RAPGEF2: variants seen among roughly 807,000 people sequenced by gnomAD.
RAPGEF2 encodes Rap guanine nucleotide exchange factor 2.
A neutral mutation model predicts 186.7 loss-of-function variants in RAPGEF2; 54 were observed. The observed-to-expected ratio is 0.29, with a 90% CI of 0.23 to 0.36. The LOEUF (loss-of-function observed/expected upper bound fraction) is 0.36. RAPGEF2 is among the 10% of genes least tolerant of loss of function. The pLI, the probability that RAPGEF2 is intolerant of heterozygous loss-of-function variation, is 1.00. For missense variants in RAPGEF2, 1,532 were observed against 2,045.0 expected, an observed-to-expected ratio of 0.75 and a Z score of 4.84; for synonymous variants, 712 against 705.9, an observed-to-expected ratio of 1.01 and a Z score of -0.14.
intron 11 of RAPGEF2, chr4:159,327,914 A>G (rs1766160629): frequency 6.6e-6 from 1 of 152,012 alleles, no homozygotes; most frequent in South Asian, 2.1e-4. Context: ...ATAAATGCCA[A>G]AATGTCTGTC....
At chr4:159,104,527 G>GAGAGA (rs1560964822) in intron 1 of RAPGEF2, among the ~76,000 whole-genome samples, 2,637 of 88,348 alleles carry the variant, frequency 0.03, 183 homozygotes, top group African/African-American at 0.069. Flanking sequence ...AGAGAGAGAG[G>GAGAGA]GAGAGACAGA....
chr4:159,291,786 G>GT (rs57094153), intron 7 of RAPGEF2, among the ~76,000 whole-genome samples: 13,965 of 145,722 alleles, frequency 0.096, 2,100 homozygotes, highest in African/African-American at 0.32. Flanking sequence ...TAGTGCTGTT[G>GT]TTTTTTTTTT....
intron 2 of RAPGEF2, among the ~76,000 whole-genome samples, chr4:159,188,619 G>A (rs1232982184): frequency 2.1e-5 from 3 of 142,274 alleles, no homozygotes; most frequent in African/African-American, 2.6e-5. Context: ...AGCAGAAATC[G>A]CACCACCGCA....
At chr4:159,173,014 A>AT (rs1746075538) in intron 1 of RAPGEF2, among the ~76,000 whole-genome samples, 1 of 152,122 alleles carries the variant, frequency 6.6e-6, no homozygotes, top group Non-Finnish European at 1.5e-5. Flanking sequence ...TTTCTTTAGC[A>AT]TTTTAGCTCA....
At chr4:159,248,530 A>G (rs1177727972) in intron 7 of RAPGEF2, among the ~76,000 whole-genome samples, 1 of 152,134 alleles carries the variant, frequency 6.6e-6, no homozygotes, top group Non-Finnish European at 1.5e-5. Context: ...CCCTGTGGAA[A>G]AGTCTCTGAA....
chr4:159,170,081 C>CTTT (rs36018963), intron 1 of RAPGEF2, among the ~76,000 whole-genome samples: 2 of 146,116 alleles, frequency 1.4e-5, no homozygotes, highest in Non-Finnish European at 1.5e-5. Context: ...ATGCTCATCT[C>CTTT]TTTTTTTTTT....
intron 7 of RAPGEF2, among the ~76,000 whole-genome samples, chr4:159,286,473 T>C (rs574785859): frequency 6.6e-6 from 1 of 152,306 alleles, no homozygotes; most frequent in Admixed American, 6.5e-5. Context: ...TAAATCAGAC[T>C]TATAAAATGT....
chr4:159,176,461 A>T (rs1204678926), intron 1 of RAPGEF2, among the ~76,000 whole-genome samples: 2 of 152,308 alleles, frequency 1.3e-5, no homozygotes, highest in Middle Eastern at 3.4e-3. Context: ...AGGACAAGGT[A>T]CTGTGGGGCA....
At chr4:159,223,945 C>T (rs1751778223) in intron 4 of RAPGEF2, among the ~76,000 whole-genome samples, 1 of 152,060 alleles carries the variant, frequency 6.6e-6, no homozygotes, top group Admixed American at 6.6e-5. Flanking sequence ...GCCACCCAGC[C>T]TGGAGTGCAG....
intron 7 of RAPGEF2, among the ~76,000 whole-genome samples, chr4:159,278,144 G>A (rs1759179829): frequency 6.6e-6 from 1 of 152,202 alleles, no homozygotes; most frequent in Non-Finnish European, 1.5e-5. Context: ...AAGGGATCCA[G>A]TTTCAGTTTT....
At chr4:159,281,237 G>C (rs1034606286) in intron 7 of RAPGEF2, among the ~76,000 whole-genome samples, 1 of 151,814 alleles carries the variant, frequency 6.6e-6, no homozygotes, top group Non-Finnish European at 1.5e-5. Flanking sequence ...TGATCTGCCC[G>C]CCTTGGCCTC....
chr4:159,116,562 T>C (rs965616393), intron 1 of RAPGEF2, among the ~76,000 whole-genome samples: 13 of 152,214 alleles, frequency 8.5e-5, no homozygotes, highest in African/African-American at 2.9e-4. Context: ...TTACTGGGTA[T>C]ATACCCAAAG....
At chr4:159,143,680 G>A (rs1050752686) in intron 1 of RAPGEF2, among the ~76,000 whole-genome samples, 9 of 152,210 alleles carry the variant, frequency 5.9e-5, no homozygotes, top group Middle Eastern at 6.8e-3. Flanking sequence ...AATGTTACAT[G>A]GTTGCTTTAA....
intron 6 of RAPGEF2, among the ~76,000 whole-genome samples, chr4:159,241,619 G>A (rs1361422433): frequency 1.3e-5 from 2 of 150,954 alleles, no homozygotes; most frequent in East Asian, 3.9e-4. Flanking sequence ...GATATGATTA[G>A]TTTTTAAAAG....
At chr4:159,236,315 A>G (rs868489615) in intron 4 of RAPGEF2, among the ~76,000 whole-genome samples, 2 of 152,214 alleles carry the variant, frequency 1.3e-5, no homozygotes, top group Admixed American at 6.5e-5. Context: ...TCATCCCCAA[A>G]GTAATAGTGT....
chr4:159,144,585 T>G (rs1006965132), intron 1 of RAPGEF2, among the ~76,000 whole-genome samples: 1 of 152,202 alleles, frequency 6.6e-6, no homozygotes, highest in African/African-American at 2.4e-5. Context: ...TTTAGGTACT[T>G]TGCAGTCATT....
At chr4:159,129,144 A>G (rs1351162821) in intron 1 of RAPGEF2, among the ~76,000 whole-genome samples, 1 of 151,956 alleles carries the variant, frequency 6.6e-6, no homozygotes, top group African/African-American at 2.4e-5. Context: ...TGTAATAAGA[A>G]TAAGAATCTT....
At position 159,219,580 on chromosome 4, in the gene RAPGEF2, C is replaced by T. The variant is rs548777478; in HGVS notation, c.281+8997C>T. On this transcript the variant is annotated intron_variant, in intron 4 of 29. Transcript: ENST00000691494. ...CCGTGTTAGCCAGGATGGTCTTGAT[C>T]GCCTGACCTCATGATCTGCCTGCCT... Among the ~76,000 whole-genome samples the T allele has an allele frequency of 1.6e-4, 24 of 152,214 alleles. No homozygotes were observed. In the East Asian group the frequency reaches 2.5e-3, roughly 16 times the overall value.
intron 19 of RAPGEF2, among the ~76,000 whole-genome samples, chr4:159,340,664 T>C (rs1729269662): frequency 1.2e-5 from 1 of 82,536 alleles, no homozygotes; most frequent in Non-Finnish European, 2.6e-5. Context: ...ACCACCACCA[T>C]CACCACACAC....
Sources: gnomAD v4.1 joint callset for allele counts (sites outside exome capture counted in the v4.1 genomes callset) on GRCh38, gnomAD v4.1.1 for gene constraint, MANE v1.5 for transcripts, NCBI Gene and HGNC (gene_info 2026-07-23, HGNC 2026-07-21) for gene names.